Variants in NDEL1 observed in about 807,000 individuals in gnomAD.
The protein encoded by NDEL1 is nuclear distribution protein nudE-like 1.
NDEL1 carries 9 observed loss-of-function variants against 45.7 expected under a neutral mutation model. The ratio of observed to expected loss-of-function variants is 0.20; its 90% CI spans 0.12 to 0.34. The LOEUF (loss-of-function observed/expected upper bound fraction) is 0.34. Ranked by LOEUF, NDEL1 falls within the 10% of genes least tolerant of loss-of-function variation. The pLI is 1.00. For synonymous variants in NDEL1, 133 were observed against 158.6 expected, an observed-to-expected ratio of 0.84 and a Z score of 1.21; for missense variants, 306 against 406.2, an observed-to-expected ratio of 0.75 and a Z score of 2.12.
At position 8,445,955 on chromosome 17, in the gene NDEL1, C is replaced by G. The variant is rs1910054435; in HGVS notation, c.240+91C>G. The G allele has an allele frequency of 2.4e-6, 3 of 1,240,568 alleles. No individual in the cohort carries two copies. The East Asian group carries it at 8.5e-5, about 35-fold the overall frequency. 76.8% of individuals were successfully genotyped at this position (1,240,568 alleles called of 1,614,324 possible). A position where few individuals can be genotyped will look rare whatever the true frequency, so the allele number is the denominator to read the frequency against. On this transcript the variant is annotated intron_variant, in intron 3 of 8. Coordinates refer to ENST00000334527, the MANE Select transcript of NDEL1 (RefSeq NM_030808.5). ...TCAGGTGCTTAAGAGCAGCTGGCGA[C>G]AAAAAATAGTTTGAAAAAAACGCTT...
At position 8,465,485 on chromosome 17, in the gene NDEL1, ACT is replaced by A. The variant is rs1911523897; in HGVS notation, c.945-1442_945-1441del. Reference sequence around the variant, plus strand: ...GTTGGAATTTAAACTCCACATATGTACTCTGAGTTTAGTTTCTTTAGACATGA... The same window carrying A: ...GTTGGAATTTAAACTCCACATATGTACTGAGTTTAGTTTCTTTAGACATGA... On this transcript the variant is annotated intron_variant, in intron 8 of 8. Transcript: ENST00000334527. The surrounding 1 kb of genome is among the most constrained non-coding windows in gnomAD (Gnocchi z 4.9). 1.3e-5 allele frequency: 2 copies of A among 152,052 alleles called. No individual in the cohort carries two copies. Among genetic ancestry groups the A allele is most frequent in the Admixed American group, 1.3e-4 (2 of 15,266 alleles). The allele number at this position is 152,052 out of a possible 1,614,324, so 9.4% of individuals were successfully genotyped here.
chr17:8,426,193 T>C (rs1172793399), intron 1 of NDEL1, among the ~76,000 whole-genome samples: 1 of 152,242 alleles, frequency 6.6e-6, no homozygotes, highest in African/African-American at 2.4e-5. Flanking sequence ...TTAATTGTGC[T>C]ATGCCAGGCA....
chr17:8,453,608 T>C (rs566351654), intron 6 of NDEL1, among the ~76,000 whole-genome samples: 54 of 152,228 alleles, frequency 3.5e-4, no homozygotes, highest in Admixed American at 1.1e-3. Flanking sequence ...GAAGAAGATA[T>C]GGGTAAATAT....
intron 1 of NDEL1, 71 bp from the exon 2 acceptor site, chr17:8,444,189 C>G: frequency 1.0e-6 from 1 of 966,182 alleles, no homozygotes; most frequent in Non-Finnish European, 1.7e-6. Context: ...TCAGTGTTGT[C>G]CCAGATTTTA....
intron 1 of NDEL1, among the ~76,000 whole-genome samples, chr17:8,421,729 C>G (rs1908712673): frequency 6.6e-6 from 1 of 152,204 alleles, no homozygotes; most frequent in South Asian, 2.1e-4. Context: ...GTGGTTCATT[C>G]TGCAAGATCA....
At chr17:8,466,881 G>C (rs371575867) in intron 8 of NDEL1, 49 bp from the exon 9 acceptor site, 49 of 1,545,138 alleles carry the variant, frequency 3.2e-5, no homozygotes, top group African/African-American at 6.8e-5. Flanking sequence ...TTTTAAATGA[G>C]TTTTTCGTTT....
At chr17:8,442,724 C>G (rs1597531437) in intron 1 of NDEL1, among the ~76,000 whole-genome samples, 2 of 139,468 alleles carry the variant, frequency 1.4e-5, no homozygotes, top group Admixed American at 1.4e-4. Context: ...TCCTGAGTGG[C>G]TTGTGCTAGA....
chr17:8,429,164 C>T (rs373161334), intron 1 of NDEL1, among the ~76,000 whole-genome samples: 175 of 152,254 alleles, frequency 1.1e-3, no homozygotes, highest in African/African-American at 3.8e-3. Flanking sequence ...TTCATACCAG[C>T]GAAAATCTCT....
At chr17:8,423,499 C>T (rs141098128) in intron 1 of NDEL1, among the ~76,000 whole-genome samples, 143 of 152,260 alleles carry the variant, frequency 9.4e-4, no homozygotes, top group African/African-American at 3.2e-3. Context: ...GCCTGACCAA[C>T]ATGGCAAAAC....
chr17:8,446,678 T>TC (rs1910103266), intron 3 of NDEL1, 76 bp from the exon 4 acceptor site: 1 of 1,443,606 alleles, frequency 6.9e-7, no homozygotes, highest in East Asian at 2.3e-5. Flanking sequence ...CCCCCCACCC[T>TC]TTTAACTTGA....
At chr17:8,442,783 T>C (rs1909832182) in intron 1 of NDEL1, among the ~76,000 whole-genome samples, 1 of 146,532 alleles carries the variant, frequency 6.8e-6, no homozygotes, top group South Asian at 2.2e-4. Context: ...TTTACTTTTT[T>C]TTTTTTTTTT....
chr17:8,443,570 C>T (rs1003357370), intron 1 of NDEL1, among the ~76,000 whole-genome samples: 2 of 151,904 alleles, frequency 1.3e-5, no homozygotes, highest in Admixed American at 6.6e-5. Flanking sequence ...GTGGGCCTGA[C>T]GATCAGTTGG....
chr17:8,420,875 T>A (rs1047865485), intron 1 of NDEL1, among the ~76,000 whole-genome samples: 5 of 152,208 alleles, frequency 3.3e-5, no homozygotes, highest in Non-Finnish European at 7.3e-5. Context: ...GTTGTGGGTG[T>A]AGCTGAAGTT....
chr17:8,445,074 C>T (rs1425275168), intron 2 of NDEL1: 1 of 152,052 alleles, frequency 6.6e-6, no homozygotes, highest in Non-Finnish European at 1.5e-5. Flanking sequence ...TAATCTTTTT[C>T]TGTGTCATAG....
chr17:8,425,259 G>A (rs866500867), intron 1 of NDEL1, among the ~76,000 whole-genome samples: 48 of 152,312 alleles, frequency 3.2e-4, no homozygotes, highest in Middle Eastern at 3.4e-3. Flanking sequence ...GTTTCTAAAG[G>A]GAAGTTCTTT....
intron 4 of NDEL1, among the ~76,000 whole-genome samples, chr17:8,447,363 G>A (rs990285065): frequency 1.3e-5 from 2 of 152,180 alleles, no homozygotes; most frequent in Non-Finnish European, 2.9e-5. Context: ...GGCTGGTCTT[G>A]AATTCCTGCC....
chr17:8,451,989 T>C (rs1910531797), intron 6 of NDEL1, among the ~76,000 whole-genome samples: 1 of 152,230 alleles, frequency 6.6e-6, no homozygotes, highest in Non-Finnish European at 1.5e-5. Context: ...ACATTTCAAG[T>C]GCTCAGTAAC....
At chr17:8,466,811 C>T (rs913252776) in intron 8 of NDEL1, 119 bp from the exon 9 acceptor site, 2 of 1,006,724 alleles carry the variant, frequency 2.0e-6, no homozygotes, top group East Asian at 2.6e-5. Context: ...CCATCAGGAC[C>T]CTACAGCCTG....
In NDEL1 at chr17:8,467,842, G is replaced by C. The variant is rs1445603605; in HGVS notation, c.*819G>C. On this transcript the variant is annotated 3_prime_UTR_variant, in exon 9 of 9. Coordinates refer to ENST00000334527, the MANE Select transcript of NDEL1 (RefSeq NM_030808.5). This position sits in a 1 kb window ranked among gnomAD's most constrained non-coding sequence, Gnocchi z 6.3. The stretch of plus-strand genomic sequence containing the variant: ...TTGTGTTAGGAAGGGTGAGTGGCTG[G>C]TTCCAGGGTGGGCCGGTGCCAGCTC... 2 of 152,730 alleles carry C rather than the reference G, an allele frequency of 1.3e-5. No homozygotes were observed. The highest frequency in any genetic ancestry group is 2.9e-5 in the Non-Finnish European group (2 of 68,094). The allele number at this position is 152,730 out of a possible 1,614,324, so 9.5% of individuals were successfully genotyped here.
Sources: gnomAD v4.1 joint callset for allele counts (sites outside exome capture counted in the v4.1 genomes callset) on GRCh38, gnomAD v4.1.1 for gene constraint, Gnocchi (gnomAD v3.1) non-coding constraint, MANE v1.5 for transcripts, NCBI Gene and HGNC (gene_info 2026-07-23, HGNC 2026-07-21) for gene names.